The following SPON2 variants were observed in gnomAD, a reference collection of about 807,000 sequenced individuals.
SPON2 encodes the protein spondin-2.
SPON2 carries 32 observed loss-of-function variants against 29.9 expected under a neutral mutation model. That is an observed-to-expected ratio of 1.07 (90% CI 0.81 to 1.44). The LOEUF is 1.44. SPON2 is among the 40% of genes most tolerant of loss of function. The pLI, the probability that SPON2 is intolerant of heterozygous loss-of-function variation, is 0.00. For synonymous variants in SPON2, 248 were observed against 209.1 expected (o/e 1.19, Z -1.61); for missense variants, 541 against 455.5 (o/e 1.19, Z -1.71).
intron 1 of SPON2, among the ~76,000 whole-genome samples, chr4:1,190,392 C>G (rs985376325): frequency 6.6e-6 from 1 of 152,174 alleles, no homozygotes; most frequent in African/African-American, 2.4e-5. Context: ...TAATACCAAT[C>G]CTTCATAAAT....
chr4:1,204,187 A>G (rs1423547575), intron 1 of SPON2, among the ~76,000 whole-genome samples: 4 of 152,156 alleles, frequency 2.6e-5, no homozygotes, highest in African/African-American at 9.7e-5. Context: ...CAGTTTGCCC[A>G]TTTTTTAACT....
chr4:1,171,623 C>A, intron 2 of SPON2, 137 bp from the exon 3 acceptor site: 3 of 966,606 alleles, frequency 3.1e-6, no homozygotes, highest in East Asian at 2.6e-5. Context: ...ACCGTGACAC[C>A]CTGTGGCTGC....
intron 1 of SPON2, among the ~76,000 whole-genome samples, chr4:1,200,488 C>T (rs563592712): frequency 2.0e-5 from 3 of 151,762 alleles, no homozygotes; most frequent in South Asian, 4.3e-4. Context: ...GGAGGCTCAG[C>T]GGGGGCGGGG....
intron 1 of SPON2, among the ~76,000 whole-genome samples, chr4:1,185,986 T>C (rs1727786359): frequency 6.6e-6 from 1 of 151,984 alleles, no homozygotes; most frequent in African/African-American, 2.4e-5. Context: ...GGCTCACGCC[T>C]GTAATCCCAG....
At chr4:1,203,739 C>T (rs1178715104) in intron 1 of SPON2, among the ~76,000 whole-genome samples, 8 of 152,138 alleles carry the variant, frequency 5.3e-5, no homozygotes, top group African/African-American at 1.9e-4. Context: ...TTCCAGCCAT[C>T]CCAGTGGGTG....
chr4:1,175,164 C>T (rs368207572), upstream of SPON2, among the ~76,000 whole-genome samples: 1 of 152,228 alleles, frequency 6.6e-6, no homozygotes, highest in East Asian at 1.9e-4. Flanking sequence ...ACAGCTTCCT[C>T]GGCTGAAAGG....
At chr4:1,177,042 T>C (rs1370253611), upstream of SPON2, among the ~76,000 whole-genome samples, 5 of 152,230 alleles carry the variant, frequency 3.3e-5, no homozygotes, top group African/African-American at 9.6e-5. Context: ...GTAAAGTGTT[T>C]AGTGAATTGG....
chr4:1,206,465 G>A (rs920345382), intron 1 of SPON2, among the ~76,000 whole-genome samples: 1 of 152,362 alleles, frequency 6.6e-6, no homozygotes, highest in South Asian at 2.1e-4. Flanking sequence ...TGTGACAGAC[G>A]AGAAGAGGGA....
At chr4:1,203,258 G>A (rs1258729476) in intron 1 of SPON2, among the ~76,000 whole-genome samples, 4 of 152,156 alleles carry the variant, frequency 2.6e-5, no homozygotes, top group African/African-American at 9.7e-5. Flanking sequence ...TTTTCCCCCA[G>A]CTGTGCCCTC....
intron 5 of SPON2, among the ~76,000 whole-genome samples, chr4:1,169,374 G>A (rs1392262549): frequency 6.6e-6 from 1 of 152,092 alleles, no homozygotes; most frequent in African/African-American, 2.4e-5. Context: ...CCTGCACTGG[G>A]CAGGGGCAGC....
chr4:1,192,879 G>A (rs1490346930), intron 1 of SPON2, among the ~76,000 whole-genome samples: 1 of 152,218 alleles, frequency 6.6e-6, no homozygotes, highest in Non-Finnish European at 1.5e-5. Flanking sequence ...GCCCTCAGAA[G>A]CAAGGCCGAG....
intron 1 of SPON2, among the ~76,000 whole-genome samples, chr4:1,186,590 C>T (rs569370061): frequency 3.3e-4 from 50 of 152,120 alleles, no homozygotes; most frequent in Non-Finnish European, 5.6e-4. Context: ...AGGTGTGAGC[C>T]ACTGCACCCA....
intron 1 of SPON2, among the ~76,000 whole-genome samples, chr4:1,207,440 C>G (rs1213809717): frequency 5.3e-5 from 8 of 152,316 alleles, no homozygotes; most frequent in Admixed American, 3.9e-4. Context: ...ACAGACACTG[C>G]TACCACTGAC....
At chr4:1,185,417 T>A (rs1727772865) in intron 1 of SPON2, among the ~76,000 whole-genome samples, 2 of 151,358 alleles carry the variant, frequency 1.3e-5, no homozygotes, top group African/African-American at 4.9e-5. Flanking sequence ...AACCTGGACA[T>A]CCACATGCAA....
At chr4:1,175,289 A>G (rs1560204099), upstream of SPON2, among the ~76,000 whole-genome samples, 1 of 152,214 alleles carries the variant, frequency 6.6e-6, no homozygotes, top group Admixed American at 6.5e-5. Flanking sequence ...AGACTCGCTG[A>G]GGCACAGTCC....
In SPON2 at chr4:1,171,883, G is replaced by A. The variant is rs1300767103; in HGVS notation, c.189C>T (p.Phe63=). Residue 63 remains phenylalanine (F), a synonymous_variant, in exon 2 of 6, where the codon TTC becomes TTT. Transcript: ENST00000290902. ...GCGAAGACCACTGCGCAGGGGGGCG[G>A]AACAGGGGGTACTGCTTGGGGAAGG... ...QTAFPKQYPL[F]RPPAQWSSLL... is the part of the protein sequence containing the mutation. 6.2e-7 allele frequency: 1 copy of A among 1,612,910 alleles called. No individual in the cohort carries two copies. The highest frequency in any genetic ancestry group is 1.7e-4 in the Middle Eastern group (1 of 6,058).
chr4:1,186,061 G>C (rs914110619), intron 1 of SPON2, among the ~76,000 whole-genome samples: 3 of 146,840 alleles, frequency 2.0e-5, no homozygotes, highest in Non-Finnish European at 4.6e-5. Context: ...TGGCTAACAC[G>C]GTGAAACCCC....
At chr4:1,198,916 C>T (rs1272720679), upstream of SPON2, 1 of 151,626 alleles carries the variant, frequency 6.6e-6, no homozygotes, top group African/African-American at 2.4e-5. Context: ...GTGGAAAACA[C>T]AAATGTCACA....
intron 1 of SPON2, among the ~76,000 whole-genome samples, chr4:1,186,090 A>G (rs1262310220): frequency 1.4e-5 from 2 of 148,044 alleles, no homozygotes; most frequent in Admixed American, 1.4e-4. Context: ...TAAAAATACA[A>G]AAAATTAGCC....
Sources: allele counts gnomAD v4.1 joint callset (sites outside exome capture counted in the v4.1 genomes callset), GRCh38; gene constraint gnomAD v4.1.1; transcripts MANE v1.5; gene names NCBI Gene and HGNC (gene_info 2026-07-23, HGNC 2026-07-21).